NTM: variants seen among roughly 807,000 people sequenced by gnomAD.
The protein encoded by NTM is IgLON family member 2.
NTM carries 13 observed loss-of-function variants against 42.1 expected under a neutral mutation model. That is an observed-to-expected ratio of 0.31 (90% CI 0.20 to 0.49). NTM has a LOEUF of 0.49. Among genes scored for constraint, NTM ranks in the 20% least tolerant of loss-of-function variants. The pLI is 0.99. For missense variants in NTM, 373 were observed against 452.8 expected (o/e 0.82, Z 1.60); for synonymous variants, 187 against 179.2 (o/e 1.04, Z -0.35).
chr11:131,972,367 A>G (rs375911089), intron 2 of NTM, among the ~76,000 whole-genome samples: 2 of 152,286 alleles, frequency 1.3e-5, no homozygotes, highest in African/African-American at 4.8e-5. Context: ...TATAAATTAT[A>G]TATGTATTTT....
chr11:132,332,982 G>C lies in NTM; in HGVS notation c.968-2064G>C, dbSNP rs917114303. Among the ~76,000 whole-genome samples, 3 of 152,146 alleles carry C rather than the reference G, an allele frequency of 2.0e-5. No homozygotes were observed. The South Asian group carries it at 6.2e-4, about 32-fold the overall frequency. ...CGGGAGGTGGGAGTGTGCGGGAATTGAACAGGAAATGGGTTTCAAAGATGT... is the reference window on the plus strand; with the variant it reads ...CGGGAGGTGGGAGTGTGCGGGAATTCAACAGGAAATGGGTTTCAAAGATGT... On this transcript the variant is annotated intron_variant, in intron 8 of 8. Coordinates refer to ENST00000683400, the MANE Select transcript of NTM (RefSeq NM_001352005.2).
At chr11:131,579,857 C>G (rs1211132571) in intron 1 of NTM, among the ~76,000 whole-genome samples, 1 of 152,164 alleles carries the variant, frequency 6.6e-6, no homozygotes, top group Non-Finnish European at 1.5e-5. Context: ...ACATGGCATT[C>G]TATATTTCTA....
intron 1 of NTM, among the ~76,000 whole-genome samples, chr11:131,373,944 C>T (rs889306409): frequency 3.3e-5 from 5 of 152,172 alleles, no homozygotes; most frequent in Non-Finnish European, 5.9e-5. Context: ...GGGCGGTGGG[C>T]GCCGTTCGGC....
At chr11:132,001,807 C>T (rs1306655945) in intron 2 of NTM, among the ~76,000 whole-genome samples, 2 of 151,576 alleles carry the variant, frequency 1.3e-5, no homozygotes, top group East Asian at 3.9e-4. Context: ...CACATACACA[C>T]AATCGGTCAA....
chr11:131,571,367 T>A (rs1014274142), intron 1 of NTM, among the ~76,000 whole-genome samples: 22 of 152,168 alleles, frequency 1.4e-4, no homozygotes, highest in African/African-American at 5.1e-4. Context: ...ATCCCCAAAA[T>A]CCTGTAGAGT....
At chr11:131,554,724 A>G (rs1565633128) in intron 1 of NTM, among the ~76,000 whole-genome samples, 2 of 152,160 alleles carry the variant, frequency 1.3e-5, no homozygotes, top group East Asian at 3.9e-4. Context: ...TTTGAGGTAT[A>G]TCAAAAGTAA....
At chr11:131,565,286 CTGT>C (rs2056755388) in intron 1 of NTM, among the ~76,000 whole-genome samples, 1 of 152,194 alleles carries the variant, frequency 6.6e-6, no homozygotes, top group Non-Finnish European at 1.5e-5. Context: ...TTCTCATTGT[CTGT>C]GCCCTTATCC....
chr11:131,662,503 G>C (rs896232290), intron 1 of NTM: 1 of 152,230 alleles, frequency 6.6e-6, no homozygotes, highest in Non-Finnish European at 1.5e-5. Flanking sequence ...CTTTGAAAGG[G>C]AAGAAAATCT....
intron 2 of NTM, among the ~76,000 whole-genome samples, chr11:131,959,194 T>G (rs1358892061): frequency 6.6e-6 from 1 of 152,204 alleles, no homozygotes; most frequent in Non-Finnish European, 1.5e-5. Context: ...TCTTTTGTAA[T>G]GGGCTGCCCG....
intron 4 of NTM, among the ~76,000 whole-genome samples, chr11:132,287,713 T>C (rs954710447): frequency 6.6e-6 from 1 of 152,150 alleles, no homozygotes; most frequent in African/African-American, 2.4e-5. Context: ...TGACCAGATC[T>C]AAGGATTCTG....
chr11:131,933,772 G>T (rs927927138), intron 2 of NTM, among the ~76,000 whole-genome samples: 6 of 152,112 alleles, frequency 3.9e-5, no homozygotes, highest in African/African-American at 1.4e-4. Flanking sequence ...TATTGAAATA[G>T]ATGAAATCTA....
intron 1 of NTM, among the ~76,000 whole-genome samples, chr11:131,699,952 G>A (rs1012099784): frequency 7.8e-6 from 1 of 127,742 alleles, no homozygotes; most frequent in Non-Finnish European, 1.7e-5. Flanking sequence ...GTGTGTGTGT[G>A]TGTGTGTGTG....
At chr11:132,252,978 T>G (rs945824805) in intron 4 of NTM, among the ~76,000 whole-genome samples, 1 of 152,228 alleles carries the variant, frequency 6.6e-6, no homozygotes, top group Non-Finnish European at 1.5e-5. Context: ...ATGTCCTCTT[T>G]GCAGAATACT....
intron 1 of NTM, among the ~76,000 whole-genome samples, chr11:131,896,290 T>C (rs2052254903): frequency 6.6e-6 from 1 of 152,142 alleles, no homozygotes; most frequent in East Asian, 1.9e-4. Flanking sequence ...AAATGACCTA[T>C]ATAAAGTCTG....
chr11:131,631,803 G>T (rs1592290110), intron 1 of NTM, among the ~76,000 whole-genome samples: 1 of 152,270 alleles, frequency 6.6e-6, no homozygotes, highest in Non-Finnish European at 1.5e-5. Flanking sequence ...AGGCAACTCG[G>T]CTGCCGTAAT....
At chr11:131,459,512 A>T (rs1198538632) in intron 1 of NTM, among the ~76,000 whole-genome samples, 1 of 152,022 alleles carries the variant, frequency 6.6e-6, no homozygotes, top group Admixed American at 6.6e-5. Flanking sequence ...TAGAAAAAAA[A>T]GAATTAATAG....
chr11:131,809,655 T>C (rs1185838553), intron 1 of NTM, among the ~76,000 whole-genome samples: 2 of 152,214 alleles, frequency 1.3e-5, no homozygotes. Flanking sequence ...AAATCTCCTT[T>C]CTCCTTTTTG....
intron 1 of NTM, among the ~76,000 whole-genome samples, chr11:131,815,748 T>A (rs2092926934): frequency 6.6e-6 from 1 of 152,162 alleles, no homozygotes; most frequent in Non-Finnish European, 1.5e-5. Context: ...AGAGGCAGGT[T>A]GAGTAAGCAC....
intron 2 of NTM, among the ~76,000 whole-genome samples, chr11:131,929,965 A>G (rs1176874696): frequency 6.6e-6 from 1 of 152,142 alleles, no homozygotes; most frequent in Non-Finnish European, 1.5e-5. Context: ...TTTCTTATCT[A>G]CTTTTAAACA....
Sources: gnomAD v4.1 joint callset for allele counts (sites outside exome capture counted in the v4.1 genomes callset) on GRCh38, gnomAD v4.1.1 for gene constraint, MANE v1.5 for transcripts, NCBI Gene and HGNC (gene_info 2026-07-23, HGNC 2026-07-21) for gene names.